The following DNAH7 variants were observed in gnomAD, a reference collection of about 807,000 sequenced individuals.
DNAH7 encodes the protein dynein axonemal heavy chain 7, also known as axonemal beta dynein heavy chain 7.
A neutral mutation model predicts 444.6 loss-of-function variants in DNAH7; 397 were observed. The ratio of observed to expected loss-of-function variants is 0.89; its 90% CI spans 0.82 to 0.97. The LOEUF (loss-of-function observed/expected upper bound fraction) is 0.97. DNAH7 is among the 50% of genes least tolerant of loss of function. The pLI is 0.00. For missense variants in DNAH7, 4,902 were observed against 4,800.8 expected (o/e 1.02, Z -0.62); for synonymous variants, 1,636 against 1,624.4 (o/e 1.01, Z -0.17).
At chr2:195,753,194 G>A (rs1693887276) in intron 63 of DNAH7, among the ~76,000 whole-genome samples, 3 of 152,096 alleles carry the variant, frequency 2.0e-5, no homozygotes, top group Non-Finnish European at 4.4e-5. Flanking sequence ...TATTGAGTCG[G>A]TGGTGCTAAA....
At chr2:195,987,364 A>G (rs112435203) in intron 13 of DNAH7, among the ~76,000 whole-genome samples, 171 bp from the exon 14 acceptor site, 182 of 152,272 alleles carry the variant, frequency 1.2e-3, no homozygotes, top group African/African-American at 4.3e-3. Flanking sequence ...GTATTATACA[A>G]CTATCTTCTG....
intron 60 of DNAH7, among the ~76,000 whole-genome samples, chr2:195,773,527 C>T (rs1336954943): frequency 2.0e-5 from 3 of 151,796 alleles, no homozygotes; most frequent in Non-Finnish European, 4.4e-5. Flanking sequence ...ACAAAGATCA[C>T]ATGATTACGG....
chr2:195,980,546 T>G (rs569585908), intron 15 of DNAH7, among the ~76,000 whole-genome samples: 1 of 152,260 alleles, frequency 6.6e-6, no homozygotes, highest in Non-Finnish European at 1.5e-5. Flanking sequence ...TAGACAAAGA[T>G]GCATCAAAAA....
In DNAH7 at chr2:195,923,598, C is replaced by T; in HGVS notation, c.3822G>A (p.Trp1274Ter). 1 of 1,613,904 alleles carries T rather than the reference C, an allele frequency of 6.2e-7. No homozygotes were observed. The highest frequency in any genetic ancestry group is 8.5e-7 in the Non-Finnish European group (1 of 1,179,914). The stretch of plus-strand genomic sequence containing the variant: ...AACATTCAGTGATACCACTTACTTG[C>T]CAGTAGTACCTAAGCTGACTTAACC... ...FEWLSQLRYY[W>*]QENHLETKMI... The change falls in exon 23 of 65, where the codon TGG becomes TGA. Residue 1274 changes from tryptophan to a stop codon, truncating the protein, a stop_gained. Coordinates refer to ENST00000312428, the MANE Select transcript of DNAH7 (RefSeq NM_018897.3). LOFTEE classifies it high-confidence loss of function.
intron 2 of DNAH7, among the ~76,000 whole-genome samples, chr2:196,053,017 T>C (rs372251211): frequency 7.2e-6 from 1 of 139,202 alleles, no homozygotes; most frequent in African/African-American, 2.7e-5. Context: ...CCTCTGCTTA[T>C]GGAGTACACA....
At chr2:195,873,770 T>C in intron 38 of DNAH7, 76 bp from the exon 39 acceptor site, 1 of 1,129,724 alleles carries the variant, frequency 8.9e-7, no homozygotes, top group Non-Finnish European at 1.2e-6. Flanking sequence ...TTCTATAGTT[T>C]AAAGTAACTT....
intron 47 of DNAH7, 65 bp downstream of exon 47, chr2:195,844,937 A>T: frequency 6.8e-7 from 1 of 1,460,594 alleles, no homozygotes. Context: ...AAAATTGTTA[A>T]AGGAACACAG....
Position 195,960,649 on chromosome 2 carries a change from G to A in DNAH7, c.2502C>T (p.Phe834=), listed in dbSNP as rs753589977. ...CTTGAATGAGAGGAATGTGCTGCTT[G>A]AAATCTTCCACCTTTGATCTTACTT... ...TKKVRSKVED[F]KQHIPLIQVI... is the part of the protein sequence containing the mutation. Residue 834 remains phenylalanine, a synonymous_variant, in exon 18 of 65, where the codon TTC becomes TTT. Transcript: ENST00000312428. The A allele has an allele frequency of 1.2e-6, 2 of 1,614,234 alleles. No individual in the cohort carries two copies. Among genetic ancestry groups the A allele is most frequent in the African/African-American group, 2.7e-5 (2 of 75,070 alleles).
At chr2:195,988,317 T>C in intron 12 of DNAH7, 88 bp from the exon 13 acceptor site, 1 of 1,169,146 alleles carries the variant, frequency 8.6e-7, no homozygotes, top group Non-Finnish European at 1.2e-6. Context: ...TCTTACAATG[T>C]TTCTTGTCTT....
intron 62 of DNAH7, 72 bp from the exon 63 acceptor site, chr2:195,754,586 T>A: frequency 6.8e-7 from 1 of 1,467,302 alleles, no homozygotes. Context: ...TGAGACAGGA[T>A]CTCTGGTTGC....
At chr2:195,791,851 T>A (rs988157082) in intron 57 of DNAH7, among the ~76,000 whole-genome samples, 1 of 152,002 alleles carries the variant, frequency 6.6e-6, no homozygotes, top group Admixed American at 6.6e-5. Flanking sequence ...GAGCTAAACA[T>A]TGGGTAAACA....
chr2:195,814,851 C>T (rs1422779666), intron 51 of DNAH7, among the ~76,000 whole-genome samples: 2 of 151,920 alleles, frequency 1.3e-5, no homozygotes, highest in Admixed American at 6.6e-5. Flanking sequence ...AGTAATCCTC[C>T]CACCTCAGCC....
chr2:196,011,043 A>T (rs964279707), intron 10 of DNAH7, among the ~76,000 whole-genome samples: 1 of 152,152 alleles, frequency 6.6e-6, no homozygotes, highest in Non-Finnish European at 1.5e-5. Context: ...GTTGGTTAAT[A>T]CGCACAAAAA....
At chr2:195,782,353 A>G (rs561644650) in intron 58 of DNAH7, among the ~76,000 whole-genome samples, 3 of 152,278 alleles carry the variant, frequency 2.0e-5, no homozygotes, top group African/African-American at 7.2e-5. Flanking sequence ...CAGTTTTGGC[A>G]AGTTTGCAAT....
At position 196,002,388 on chromosome 2, in the gene DNAH7, G is replaced by A. The variant is rs147449428; in HGVS notation, c.990-530C>T. Among the ~76,000 whole-genome samples, 901 of 152,276 alleles carry A rather than the reference G, an allele frequency of 5.9e-3. 8 individuals are homozygous for A. Among genetic ancestry groups the A allele is most frequent in the African/African-American group, 0.021 (867 of 41,552 alleles). On this transcript the variant is annotated intron_variant, in intron 10 of 64. Transcript: ENST00000312428. ...CCCCTTAATGTGATATCCTGAAAGA[G>A]TGTCTGATCTAAAACAAAGTTTCGA...
At chr2:195,821,968 A>G (rs893469103) in intron 49 of DNAH7, among the ~76,000 whole-genome samples, 1 of 152,074 alleles carries the variant, frequency 6.6e-6, no homozygotes, top group African/African-American at 2.4e-5. Context: ...TTCCGCCCAC[A>G]CCTAGGCACC....
chr2:195,759,955 G>A (rs1694271421), intron 61 of DNAH7, among the ~76,000 whole-genome samples: 1 of 152,162 alleles, frequency 6.6e-6, no homozygotes, highest in Admixed American at 6.5e-5. Flanking sequence ...TGGGATTATA[G>A]GTGTGATCCA....
intron 63 of DNAH7, among the ~76,000 whole-genome samples, chr2:195,742,094 G>C (rs1693076805): frequency 6.6e-6 from 1 of 152,162 alleles, no homozygotes. Flanking sequence ...AACTGCCAGT[G>C]TATAACTCTG....
intron 61 of DNAH7, among the ~76,000 whole-genome samples, chr2:195,763,044 C>A (rs574325866): frequency 6.6e-6 from 1 of 152,186 alleles, no homozygotes; most frequent in Non-Finnish European, 1.5e-5. Flanking sequence ...AACAAGAAAT[C>A]AATAACAAGA....
Sources: gnomAD v4.1 joint callset for allele counts (sites outside exome capture counted in the v4.1 genomes callset) on GRCh38, gnomAD v4.1.1 for gene constraint, MANE v1.5 for transcripts, NCBI Gene and HGNC (gene_info 2026-07-23, HGNC 2026-07-21) for gene names.